Variants in CDYL2 observed in about 807,000 individuals in gnomAD.
CDYL2 encodes the protein chromodomain Y-like protein 2.
In CDYL2, 23 loss-of-function variants were observed where a neutral mutation model predicts 49.4. That is an observed-to-expected ratio of 0.47 (90% confidence interval 0.34 to 0.66). The LOEUF is 0.66. CDYL2 is among the 30% of genes least tolerant of loss of function. CDYL2 has a pLI of 0.01. For missense variants in CDYL2, 678 were observed against 656.4 expected (o/e 1.03, Z -0.36); for synonymous variants, 360 against 268.8 (o/e 1.34, Z -3.32).
At chr16:80,640,923 AT>A in intron 2 of CDYL2, among the ~76,000 whole-genome samples, 1 of 152,316 alleles carries the variant, frequency 6.6e-6, no homozygotes, top group African/African-American at 2.4e-5. Context: ...AGAAAAAGGA[AT>A]AAAAAACAGT....
intron 1 of CDYL2, among the ~76,000 whole-genome samples, chr16:80,800,812 G>A (rs1907902722): frequency 6.6e-6 from 1 of 152,176 alleles, no homozygotes; most frequent in African/African-American, 2.4e-5. Context: ...GAAACCCAGA[G>A]AGAGACAAGA....
At chr16:80,685,400 T>C (rs1268242731) in intron 1 of CDYL2, among the ~76,000 whole-genome samples, 1 of 152,220 alleles carries the variant, frequency 6.6e-6, no homozygotes, top group African/African-American at 2.4e-5. Context: ...GGTAGCCACA[T>C]GTCCATCCAG....
intron 5 of CDYL2, 141 bp from the exon 6 acceptor site, chr16:80,608,376 G>C (rs1049148856): frequency 1.1e-6 from 1 of 924,354 alleles, no homozygotes; most frequent in Non-Finnish European, 1.6e-6. Flanking sequence ...TTTGGGGTCA[G>C]ATAAGCTTTG....
At chr16:80,771,321 T>G (rs1906897296) in intron 1 of CDYL2, among the ~76,000 whole-genome samples, 1 of 152,210 alleles carries the variant, frequency 6.6e-6, no homozygotes, top group East Asian at 1.9e-4. Flanking sequence ...CTAGGGGGAC[T>G]CCAGATGTTG....
In CDYL2 at chr16:80,600,776, A is replaced by C. The variant is rs1190759933; in HGVS notation, c.*3612T>G. 3.3e-5 allele frequency: 4 copies of C among 122,716 alleles called. No homozygotes were observed. The highest frequency in any genetic ancestry group is 4.7e-5 in the Non-Finnish European group (3 of 63,238). 7.6% of individuals were successfully genotyped at this position (122,716 alleles called of 1,614,324 possible). A position where few individuals can be genotyped will look rare whatever the true frequency, so the allele number is the denominator to read the frequency against. On this transcript the variant is annotated 3_prime_UTR_variant, in exon 7 of 7. Transcript: ENST00000570137. ...TGGAAAATTTAATGGATGTGACTAA[A>C]TTCCAAATAAAAAAAAAGTTTACAA...
At chr16:80,653,167 G>A (rs1211989105) in intron 2 of CDYL2, among the ~76,000 whole-genome samples, 1 of 152,190 alleles carries the variant, frequency 6.6e-6, no homozygotes, top group Admixed American at 6.5e-5. Context: ...CCTATAACTG[G>A]TTAAAAAGTG....
chr16:80,641,266 T>C (rs1246826114), intron 2 of CDYL2, among the ~76,000 whole-genome samples: 2 of 152,130 alleles, frequency 1.3e-5, no homozygotes, highest in Admixed American at 6.5e-5. Context: ...GCAGCAAACT[T>C]TTCAGTGGAA....
chr16:80,723,499 C>T (rs1219410171), intron 1 of CDYL2, among the ~76,000 whole-genome samples: 1 of 152,168 alleles, frequency 6.6e-6, no homozygotes, highest in Non-Finnish European at 1.5e-5. Flanking sequence ...AAGTGTCAGC[C>T]TCACCCAAGA....
chr16:80,669,967 G>T (rs377635035), intron 2 of CDYL2, among the ~76,000 whole-genome samples: 1 of 152,276 alleles, frequency 6.6e-6, no homozygotes, highest in East Asian at 1.9e-4. Flanking sequence ...AATCTCACCC[G>T]TCTCCATGCA....
intron 3 of CDYL2, among the ~76,000 whole-genome samples, chr16:80,626,004 C>G (rs1316137300): frequency 6.6e-6 from 1 of 151,938 alleles, no homozygotes; most frequent in Non-Finnish European, 1.5e-5. Context: ...GGAATAATAA[C>G]CAGCAAAGAA....
Position 80,633,169 on chromosome 16 carries a change from C to G in CDYL2, c.684G>C (p.Lys228Asn). 1 of 1,614,202 alleles carries G rather than the reference C, an allele frequency of 6.2e-7. No homozygotes were observed. The highest frequency in any genetic ancestry group is 8.5e-7 in the Non-Finnish European group (1 of 1,180,036). Residue 228 changes from lysine (K) to asparagine (N), a missense_variant, in exon 3 of 7, where the codon AAG (lysine) becomes AAC (asparagine). Lys to Asn is a moderately conservative substitution (Grantham distance 94). This residue lies in a region of CDYL2 where 478 missense variants were observed against 427.0 expected (regional missense o/e 1.12). Coordinates refer to ENST00000570137, the MANE Select transcript of CDYL2 (RefSeq NM_152342.4). The stretch of plus-strand genomic sequence containing the variant: ...TGAGCCTTTTGTCAAAGACGTAGTC[C>G]TTCTCCGCTTCCAGCTTCCTCTTCA... Reference protein sequence around the residue: ...SPVKRKLEAEKDYVFDKRLRY... With the variant: ...SPVKRKLEAENDYVFDKRLRY...
In CDYL2 at chr16:80,654,246, G is replaced by A. The variant is rs112144686; in HGVS notation, c.617-21010C>T. ...CGGAACCCAACCAGAAGCCCAGCCC[G>A]GGAAGCCAACCTGTCCCATGCCCCT... On this transcript the variant is annotated intron_variant, in intron 2 of 6. Coordinates refer to ENST00000570137, the MANE Select transcript of CDYL2 (RefSeq NM_152342.4). 1.2e-4 allele frequency among the ~76,000 whole-genome samples: 19 copies of A among 152,290 alleles called. 3 individuals are homozygous for A. Among genetic ancestry groups the A allele is most frequent in the African/African-American group, 3.8e-4 (16 of 41,566 alleles).
chr16:80,784,610 G>A (rs768811084), intron 1 of CDYL2, among the ~76,000 whole-genome samples: 3 of 152,146 alleles, frequency 2.0e-5, no homozygotes, highest in Non-Finnish European at 2.9e-5. Context: ...TGTTTAACCT[G>A]AAGGAAAAAT....
intron 1 of CDYL2, among the ~76,000 whole-genome samples, chr16:80,707,643 T>C (rs1440394835): frequency 6.6e-6 from 1 of 152,158 alleles, no homozygotes; most frequent in Non-Finnish European, 1.5e-5. Flanking sequence ...CCAGATGCTT[T>C]GGTGGTGTCT....
chr16:80,760,432 G>T (rs1007185107), intron 1 of CDYL2, among the ~76,000 whole-genome samples: 1 of 152,136 alleles, frequency 6.6e-6, no homozygotes, highest in Non-Finnish European at 1.5e-5. Context: ...GCACAACAGG[G>T]TGACTATAGT....
intron 1 of CDYL2, among the ~76,000 whole-genome samples, chr16:80,777,186 G>A (rs376231223): frequency 1.3e-5 from 2 of 152,102 alleles, no homozygotes; most frequent in South Asian, 2.1e-4. Flanking sequence ...AACCTCTTGG[G>A]GAGACGGAAG....
chr16:80,684,356 T>G (rs1193369123), intron 2 of CDYL2, among the ~76,000 whole-genome samples, 182 bp downstream of exon 2: 1 of 152,096 alleles, frequency 6.6e-6, no homozygotes. Context: ...TGAGGGTCTG[T>G]AACCAACATG....
chr16:80,622,769 T>G (rs751963015), intron 3 of CDYL2, among the ~76,000 whole-genome samples: 5 of 152,134 alleles, frequency 3.3e-5, no homozygotes, highest in Non-Finnish European at 7.4e-5. Context: ...TGTAAAGAGT[T>G]TGCCACCAAA....
At chr16:80,777,263 T>G (rs1907118445) in intron 1 of CDYL2, among the ~76,000 whole-genome samples, 2 of 152,164 alleles carry the variant, frequency 1.3e-5, no homozygotes, top group Middle Eastern at 3.4e-3. Flanking sequence ...ATGTGTCGAG[T>G]ACACTCAATA....
Sources: gnomAD v4.1 joint callset for allele counts (sites outside exome capture counted in the v4.1 genomes callset) on GRCh38, gnomAD v4.1.1 for gene constraint, gnomAD v4.1.1 regional missense constraint, MANE v1.5 for transcripts, NCBI Gene and HGNC (gene_info 2026-07-23, HGNC 2026-07-21) for gene names.